The following GIGYF2 variants were observed in gnomAD, a reference collection of about 807,000 sequenced individuals.
GIGYF2 encodes the protein GRB10-interacting GYF protein 2.
GIGYF2 carries 25 observed loss-of-function variants against 208.1 expected under a neutral mutation model. The observed-to-expected ratio is 0.12, with a 90% CI of 0.09 to 0.17. The LOEUF is 0.17. GIGYF2 is among the 10% of genes least tolerant of loss of function. GIGYF2 has a pLI of 1.00. For synonymous variants in GIGYF2, 534 were observed against 543.8 expected, an observed-to-expected ratio of 0.98 and a Z score of 0.25; for missense variants, 1,302 against 1,579.4, an observed-to-expected ratio of 0.82 and a Z score of 2.98.
At chr2:232,795,948 T>C in intron 13 of GIGYF2, 114 bp from the exon 14 acceptor site, 1 of 767,624 alleles carries the variant, frequency 1.3e-6, no homozygotes, top group Non-Finnish European at 2.3e-6. Flanking sequence ...GTTCTTTGCA[T>C]AGTGACTTTC....
At chr2:232,721,186 C>T (rs770367823) in intron 2 of GIGYF2, among the ~76,000 whole-genome samples, 6 of 152,184 alleles carry the variant, frequency 3.9e-5, no homozygotes, top group Non-Finnish European at 5.9e-5. Flanking sequence ...GACAAGTTCT[C>T]TCAGAATTCC....
intron 8 of GIGYF2, chr2:232,768,262 C>T: frequency 1.2e-6 from 2 of 1,614,002 alleles, no homozygotes; most frequent in Non-Finnish European, 8.5e-7. Flanking sequence ...ATATCCAGGT[C>T]AGTCCTGTTT....
At chr2:232,729,677 G>T in intron 2 of GIGYF2, 2 of 865,864 alleles carry the variant, frequency 2.3e-6, no homozygotes, top group Non-Finnish European at 3.8e-6. Context: ...AACTAGTTTA[G>T]ATGAGCCCCA....
At chr2:232,809,013 A>G in intron 15 of GIGYF2, among the ~76,000 whole-genome samples, 1 of 151,998 alleles carries the variant, frequency 6.6e-6, no homozygotes, top group Non-Finnish European at 1.5e-5. Context: ...GGCGCAGTCT[A>G]GGCTCACTGC....
At chr2:232,725,194 A>G (rs1697140590) in intron 2 of GIGYF2, among the ~76,000 whole-genome samples, 1 of 152,054 alleles carries the variant, frequency 6.6e-6, no homozygotes, top group Admixed American at 6.6e-5. Context: ...CTAAAGTACA[A>G]ATTTTGTCCT....
At chr2:232,829,203 C>G (rs138622483) in intron 21 of GIGYF2, among the ~76,000 whole-genome samples, 2 of 152,120 alleles carry the variant, frequency 1.3e-5, no homozygotes, top group Admixed American at 1.3e-4. Flanking sequence ...CTTGCATATA[C>G]ATTTATATAG....
chr2:232,707,275 G>A (rs577703897), intron 2 of GIGYF2, among the ~76,000 whole-genome samples: 30 of 152,264 alleles, frequency 2.0e-4, no homozygotes, highest in Middle Eastern at 3.4e-3. Context: ...GAAGTCTTGG[G>A]AGCTCTGGTC....
chr2:232,845,749 C>G lies in GIGYF2; in HGVS notation c.3323C>G (p.Ser1108Cys), dbSNP rs780104130. The G allele has an allele frequency of 6.2e-7, 1 of 1,604,246 alleles. No homozygotes were observed. The highest frequency in any genetic ancestry group is 8.5e-7 in the Non-Finnish European group (1 of 1,170,942). The change falls in exon 26 of 29, where the codon TCT becomes TGT. Residue 1108 changes from serine to cysteine, a missense_variant. Ser to Cys is a moderately radical substitution (Grantham distance 112). This residue lies in a region of GIGYF2 where 701 missense variants were observed against 793.0 expected (regional missense o/e 0.88). Coordinates refer to ENST00000373563, the MANE Select transcript of GIGYF2 (RefSeq NM_001103146.3). ...NASLSKSVGV[S>C]NRQNKKVEEE... ...TGCTTTAGTAAATCTGTAGGTGTGT[C>G]TAACCGGCAGAATAAGAAAGTAGAA...
At chr2:232,727,696 G>GTGAT (rs1038289356) in intron 2 of GIGYF2, among the ~76,000 whole-genome samples, 4 of 152,180 alleles carry the variant, frequency 2.6e-5, no homozygotes, top group African/African-American at 9.7e-5. Flanking sequence ...AGCCTGTACA[G>GTGAT]TGATTGCTGA....
At chr2:232,817,067 G>A in intron 20 of GIGYF2, 35 bp downstream of exon 20, 1 of 1,476,330 alleles carries the variant, frequency 6.8e-7, no homozygotes, top group Non-Finnish European at 9.5e-7. Flanking sequence ...TAGGATTAGT[G>A]CTTGATGAGG....
At chr2:232,820,400 C>T (rs1252055801) in intron 21 of GIGYF2, among the ~76,000 whole-genome samples, 1 of 151,346 alleles carries the variant, frequency 6.6e-6, no homozygotes, top group Non-Finnish European at 1.5e-5. Flanking sequence ...CTGCAAGCCC[C>T]GCCTCCTGGG....
In GIGYF2 at chr2:232,858,239, A is replaced by G; in HGVS notation, c.*1379A>G. 3.0e-6 allele frequency: 1 copy of G among 338,690 alleles called. No homozygotes were observed. Among genetic ancestry groups the G allele is most frequent in the East Asian group, 8.1e-5 (1 of 12,274 alleles). 21.0% of individuals were successfully genotyped at this position (338,690 alleles called of 1,614,324 possible). A position where few individuals can be genotyped will look rare whatever the true frequency, so the allele number is the denominator to read the frequency against. ...CTGTGGTCTGGGCAGCCCCTGGAAAAGCACCTTTGCTGCCTGTCATTGTTG... is the reference window on the plus strand; with the variant it reads ...CTGTGGTCTGGGCAGCCCCTGGAAAGGCACCTTTGCTGCCTGTCATTGTTG... On this transcript the variant is annotated 3_prime_UTR_variant, in exon 29 of 29. Transcript: ENST00000373563.
chr2:232,839,251 T>A lies in GIGYF2; in HGVS notation c.2767-598T>A, dbSNP rs551662058. Among the ~76,000 whole-genome samples, 95 of 152,308 alleles carry A rather than the reference T, an allele frequency of 6.2e-4. 1 individual carries two copies. Among genetic ancestry groups the A allele is most frequent in the African/African-American group, 2.2e-3 (92 of 41,578 alleles). On this transcript the variant is annotated intron_variant, in intron 22 of 28. Coordinates refer to ENST00000373563, the MANE Select transcript of GIGYF2 (RefSeq NM_001103146.3). ...AGGACCTAGATATTTATACTCTATT[T>A]TAGTCAATAATCTTAAGGGATGGGA...
intron 18 of GIGYF2, among the ~76,000 whole-genome samples, chr2:232,814,565 A>AAC (rs1700847572): frequency 5.3e-5 from 4 of 75,966 alleles, no homozygotes; most frequent in East Asian, 3.6e-4. Context: ...TCCACCTCAA[A>AAC]CCCCCCCCCC....
intron 14 of GIGYF2, among the ~76,000 whole-genome samples, chr2:232,804,968 G>A (rs559197503): frequency 2.0e-5 from 3 of 150,912 alleles, no homozygotes; most frequent in African/African-American, 7.3e-5. Flanking sequence ...CATACTATAT[G>A]TGATTTTTTT....
chr2:232,742,295 CTT>C (rs1408412834), intron 3 of GIGYF2, among the ~76,000 whole-genome samples: 1 of 152,190 alleles, frequency 6.6e-6, no homozygotes, highest in Non-Finnish European at 1.5e-5. Flanking sequence ...AATCCCAACA[CTT>C]TGGGAGACTG....
intron 2 of GIGYF2, among the ~76,000 whole-genome samples, chr2:232,732,952 A>G (rs945154953): frequency 6.6e-6 from 1 of 151,682 alleles, no homozygotes; most frequent in African/African-American, 2.4e-5. Context: ...TTGAATCACT[A>G]GTTGTTTTAA....
chr2:232,713,984 C>G (rs1007713403), intron 2 of GIGYF2, among the ~76,000 whole-genome samples: 3 of 141,660 alleles, frequency 2.1e-5, no homozygotes, highest in Non-Finnish European at 3.0e-5. Context: ...GAGTCTCGCT[C>G]TGTCACCCAG....
At chr2:232,713,778 T>G (rs978829441) in intron 2 of GIGYF2, among the ~76,000 whole-genome samples, 1 of 152,192 alleles carries the variant, frequency 6.6e-6, no homozygotes, top group African/African-American at 2.4e-5. Flanking sequence ...ATGATTAGAC[T>G]GGGGTTATGG....
Sources: allele counts gnomAD v4.1 joint callset (sites outside exome capture counted in the v4.1 genomes callset), GRCh38; gene constraint gnomAD v4.1.1; regional missense constraint gnomAD v4.1.1; transcripts MANE v1.5; gene names NCBI Gene and HGNC (gene_info 2026-07-23, HGNC 2026-07-21).